Variants in SMCHD1 observed in about 807,000 individuals in gnomAD.
SMCHD1 encodes the protein structural maintenance of chromosomes flexible hinge domain-containing protein 1.
Under a neutral mutation model 254.7 loss-of-function variants are expected in SMCHD1, and 78 were observed. The ratio of observed to expected loss-of-function variants is 0.31; its 90% CI spans 0.26 to 0.37. The LOEUF (loss-of-function observed/expected upper bound fraction) is 0.37. Among genes scored for constraint, SMCHD1 ranks in the 10% least tolerant of loss-of-function variants. SMCHD1 has a pLI of 1.00. For synonymous variants in SMCHD1, 766 were observed against 794.9 expected (o/e 0.96, Z 0.61); for missense variants, 1,840 against 2,408.1 (o/e 0.76, Z 4.94).
chr18:2,735,024 T>C (rs927373926), intron 25 of SMCHD1, among the ~76,000 whole-genome samples: 4 of 151,462 alleles, frequency 2.6e-5, no homozygotes, highest in African/African-American at 7.3e-5. Flanking sequence ...GAGCCAAGAT[T>C]GCGCCACTGC....
Position 2,718,050 on chromosome 18 carries a change from G to C in SMCHD1, c.2261-108G>C. Reference sequence around the variant, plus strand: ...TTAGATCTTTTGAAGCTTCAAAGCAGGTTTTAAAATACAGCAAATAGGTAT... The same window carrying C: ...TTAGATCTTTTGAAGCTTCAAAGCACGTTTTAAAATACAGCAAATAGGTAT... On this transcript the variant is annotated intron_variant, in intron 17 of 47. Transcript: ENST00000320876. The surrounding 1 kb of genome is among the most constrained non-coding windows in gnomAD (Gnocchi z 4.6). 1 of 763,262 alleles carries C rather than the reference G, an allele frequency of 1.3e-6. No homozygotes were observed. Among genetic ancestry groups the C allele is most frequent in the South Asian group, 1.8e-5 (1 of 54,062 alleles). The allele number at this position is 763,262 out of a possible 1,614,324, so 47.3% of individuals were successfully genotyped here.
intron 47 of SMCHD1, among the ~76,000 whole-genome samples, chr18:2,799,765 C>CT (rs909386023): frequency 2.3e-4 from 35 of 151,352 alleles, no homozygotes; most frequent in Middle Eastern, 3.4e-3. Context: ...TAATTGCCAC[C>CT]TTTTTTTTTC....
chr18:2,672,812 T>G (rs2073647809), intron 3 of SMCHD1, among the ~76,000 whole-genome samples: 2 of 152,318 alleles, frequency 1.3e-5, no homozygotes, highest in Admixed American at 1.3e-4. Flanking sequence ...TATATCCAAA[T>G]TAGCTTTCAA....
intron 23 of SMCHD1, 24 bp downstream of exon 23, chr18:2,728,620 G>T (rs767114472): frequency 1.2e-6 from 2 of 1,605,792 alleles, no homozygotes; most frequent in South Asian, 1.1e-5. Flanking sequence ...AAGATATTTA[G>T]ATTGAGTCCC....
chr18:2,733,848 C>A (rs188086139), intron 25 of SMCHD1, among the ~76,000 whole-genome samples: 41 of 152,260 alleles, frequency 2.7e-4, no homozygotes, highest in African/African-American at 8.9e-4. Flanking sequence ...AATAATTTAT[C>A]AAAATTCCAG....
chr18:2,665,770 T>C (rs2073418554), intron 1 of SMCHD1, among the ~76,000 whole-genome samples: 1 of 152,238 alleles, frequency 6.6e-6, no homozygotes, highest in Non-Finnish European at 1.5e-5. Context: ...CTTAAATATC[T>C]AGTCTATATG....
chr18:2,762,264 G>A (rs761563742), intron 36 of SMCHD1, 28 bp downstream of exon 36: 31 of 1,606,544 alleles, frequency 1.9e-5, no homozygotes, highest in Non-Finnish European at 1.5e-5. Context: ...CCAAAACTGC[G>A]AAGGGTAACA....
intron 26 of SMCHD1, among the ~76,000 whole-genome samples, chr18:2,739,063 A>T (rs1185694744): frequency 6.6e-6 from 1 of 152,124 alleles, no homozygotes; most frequent in African/African-American, 2.4e-5. Context: ...TTTACCCAAC[A>T]CTTAGGATAG....
intron 28 of SMCHD1, among the ~76,000 whole-genome samples, chr18:2,742,810 A>G (rs595565): frequency 0.97 from 147,225 of 152,164 alleles, 71,294 homozygotes; most frequent in East Asian, 1. Flanking sequence ...CCAACTAGCT[A>G]GGACTATAGA....
intron 5 of SMCHD1, among the ~76,000 whole-genome samples, chr18:2,686,451 CAATTTT>C (rs2074054323): frequency 6.6e-6 from 1 of 152,206 alleles, no homozygotes; most frequent in African/African-American, 2.4e-5. Flanking sequence ...ATATGTCACT[CAATTTT>C]CTACCAGCTT....
At chr18:2,673,134 T>C in intron 3 of SMCHD1, 147 bp from the exon 4 acceptor site, 1 of 1,294,996 alleles carries the variant, frequency 7.7e-7, no homozygotes, top group South Asian at 2.5e-5. Context: ...ATGATGCCTT[T>C]ATTATGTATT....
At chr18:2,736,266 A>G (rs1377760603) in intron 25 of SMCHD1, among the ~76,000 whole-genome samples, 1 of 152,234 alleles carries the variant, frequency 6.6e-6, no homozygotes, top group African/African-American at 2.4e-5. Context: ...CTCAGGATGG[A>G]TTAAAGACTT....
intron 17 of SMCHD1, among the ~76,000 whole-genome samples, chr18:2,711,151 TTTC>T: frequency 6.6e-6 from 1 of 152,092 alleles, no homozygotes; most frequent in Non-Finnish European, 1.5e-5. Context: ...AATTTTTTTT[TTTC>T]TTTTTATCAA....
At chr18:2,799,659 CAAAT>C (rs2076324462) in intron 47 of SMCHD1, among the ~76,000 whole-genome samples, 1 of 152,174 alleles carries the variant, frequency 6.6e-6, no homozygotes, top group Admixed American at 6.5e-5. Context: ...ACATCAGGCT[CAAAT>C]AAATCTTCCT....
chr18:2,678,209 T>TTTTC (rs149849879), intron 5 of SMCHD1, among the ~76,000 whole-genome samples: 2,708 of 110,608 alleles, frequency 0.024, 47 homozygotes, highest in Middle Eastern at 0.15. Context: ...CTTTTCTTTC[T>TTTTC]TTTCTTTCTT....
intron 13 of SMCHD1, 55 bp from the exon 14 acceptor site, chr18:2,705,639 C>G: frequency 4.9e-6 from 4 of 819,608 alleles, no homozygotes; most frequent in East Asian, 5.6e-5. Context: ...AAGCCTTTTT[C>G]TCTTCGTAAA....
chr18:2,690,759 C>T (rs977884006), intron 7 of SMCHD1, among the ~76,000 whole-genome samples: 9 of 151,334 alleles, frequency 5.9e-5, no homozygotes, highest in Middle Eastern at 3.2e-3. Flanking sequence ...GCTAGGATTA[C>T]AGGTGTGAGC....
chr18:2,769,625 G>A lies in SMCHD1; in HGVS notation c.4720-69G>A, dbSNP rs564855370. 1.1e-5 allele frequency: 16 copies of A among 1,486,650 alleles called. No individual in the cohort carries two copies. In the African/African-American group the frequency reaches 1.4e-4, roughly 13 times the overall value. The allele number at this position is 1,486,650 out of a possible 1,614,324, so 92.1% of individuals were successfully genotyped here. A position where few individuals can be genotyped will look rare whatever the true frequency, so the allele number is the denominator to read the frequency against. On this transcript the variant is annotated intron_variant, in intron 37 of 47. Transcript: ENST00000320876. Reference sequence around the variant, plus strand: ...ACTTGAAAACAGCATAATGAGTTATGTAACATTTATATGTTGTAAATTTTC... The same window carrying A: ...ACTTGAAAACAGCATAATGAGTTATATAACATTTATATGTTGTAAATTTTC...
Position 2,772,322 on chromosome 18 carries a change from T to G in SMCHD1, c.5125T>G (p.Ser1709Ala). 1.9e-6 allele frequency: 3 copies of G among 1,607,718 alleles called. No individual in the cohort carries two copies. Among genetic ancestry groups the G allele is most frequent in the South Asian group, 2.2e-5 (2 of 89,886 alleles). Residue 1709 changes from serine to alanine, a missense_variant, in exon 41 of 48, where the codon TCG becomes GCG. Transcript: ENST00000320876. ...QEELKKKPRRSCTLPNYTKGS... is the reference protein window; with the variant it reads ...QEELKKKPRRACTLPNYTKGS... ...AGAACTGAAGAAAAAACCTAGAAGA[T>G]CGTGTACTCTTCCAAACTATACTAA... is the stretch of plus-strand genomic sequence containing the variant.
Sources: allele counts gnomAD v4.1 joint callset (sites outside exome capture counted in the v4.1 genomes callset), GRCh38; gene constraint gnomAD v4.1.1; non-coding constraint Gnocchi (gnomAD v3.1); transcripts MANE v1.5; gene names NCBI Gene and HGNC (gene_info 2026-07-23, HGNC 2026-07-21).